Variants in PIK3R4 observed in about 807,000 individuals in gnomAD.
The protein encoded by PIK3R4 is phosphoinositide 3-kinase regulatory subunit 4.
Under a neutral mutation model 136.5 loss-of-function variants are expected in PIK3R4, and 46 were observed. The ratio of observed to expected loss-of-function variants is 0.34; its 90% CI spans 0.27 to 0.43. The LOEUF is 0.43. Ranked by LOEUF, PIK3R4 falls within the 20% of genes least tolerant of loss-of-function variation. The pLI is 1.00. For missense variants in PIK3R4, 1,331 were observed against 1,649.5 expected, an observed-to-expected ratio of 0.81 and a Z score of 3.35; for synonymous variants, 557 against 566.7, an observed-to-expected ratio of 0.98 and a Z score of 0.24.
chr3:130,726,805 C>A (rs2066734417), intron 6 of PIK3R4, among the ~76,000 whole-genome samples: 1 of 150,702 alleles, frequency 6.6e-6, no homozygotes, highest in Admixed American at 6.6e-5. Flanking sequence ...CATGAATTGA[C>A]CAATAGATAG....
In PIK3R4 at chr3:130,693,334, A is replaced by C. The variant is rs920324107; in HGVS notation, c.3099-2680T>G. On this transcript the variant is annotated intron_variant, in intron 13 of 19. Coordinates refer to ENST00000356763, the MANE Select transcript of PIK3R4 (RefSeq NM_014602.3). ...GGTATATAGCTAGGAATGGAATCATAGGGTCATATGGTAACTCTATGTCTA... is the reference window on the plus strand; with the variant it reads ...GGTATATAGCTAGGAATGGAATCATCGGGTCATATGGTAACTCTATGTCTA... Among the ~76,000 whole-genome samples the C allele has an allele frequency of 1.8e-4, 28 of 152,338 alleles. No homozygotes were observed. In the East Asian group the frequency reaches 5.0e-3, roughly 27 times the overall value.
Position 130,728,694 on chromosome 3 carries a change from A to AT in PIK3R4, c.1586-11_1586-10insA. On this transcript the variant is annotated splice_polypyrimidine_tract_variant and intron_variant, in intron 5 of 19. Coordinates refer to ENST00000356763, the MANE Select transcript of PIK3R4 (RefSeq NM_014602.3). ...TGTAAGGCTTGGAGCTCTAAAAAAA[A>AT]AAAAAAAAGAAAGAAAGAAAGAAAG... is the stretch of plus-strand genomic sequence containing the variant. 1.3e-6 allele frequency: 2 copies of AT among 1,494,068 alleles called. No individual in the cohort carries two copies. Among genetic ancestry groups the AT allele is most frequent in the East Asian group, 4.6e-5 (2 of 43,590 alleles). 92.6% of individuals were successfully genotyped at this position (1,494,068 alleles called of 1,614,324 possible). A position where few individuals can be genotyped will look rare whatever the true frequency, so the allele number is the denominator to read the frequency against.
At position 130,733,696 on chromosome 3, in the gene PIK3R4, C is replaced by G. The variant is rs1428344580; in HGVS notation, c.1302G>C (p.Arg434Ser). 8.1e-6 allele frequency: 13 copies of G among 1,614,100 alleles called. No individual in the cohort carries two copies. Among genetic ancestry groups the G allele is most frequent in the Non-Finnish European group, 1.1e-5 (13 of 1,179,956 alleles). The change falls in exon 4 of 20, where the codon AGG becomes AGC. Residue 434 changes from arginine to serine, a missense_variant. Coordinates refer to ENST00000356763, the MANE Select transcript of PIK3R4 (RefSeq NM_014602.3). ...TGGTCAACGTCCTCAAGGCTTCAGCCCTCACCCTAGGAACAGAGTCATTGC... is the reference window on the plus strand; with the variant it reads ...TGGTCAACGTCCTCAAGGCTTCAGCGCTCACCCTAGGAACAGAGTCATTGC... ...HFSNDSVPRV[R>S]AEALRTLTKV...
At chr3:130,692,122 G>A (rs1213921828) in intron 13 of PIK3R4, among the ~76,000 whole-genome samples, 1 of 151,928 alleles carries the variant, frequency 6.6e-6, no homozygotes, top group Non-Finnish European at 1.5e-5. Flanking sequence ...TGATCCGCCT[G>A]CCTCAGCCTC....
In PIK3R4 at chr3:130,746,715, G is replaced by C. The variant is rs1219011389; in HGVS notation, c.-444C>G. Reference sequence around the variant, plus strand: ...CTCGAGGGCCTCACCACCGGGCGGGGGGAGATGGAACCCGGGAGAGAAGTG... The same window carrying C: ...CTCGAGGGCCTCACCACCGGGCGGGCGGAGATGGAACCCGGGAGAGAAGTG... On this transcript the variant is annotated 5_prime_UTR_variant, in exon 1 of 20. Transcript: ENST00000356763. 1 of 152,346 alleles carries C rather than the reference G, an allele frequency of 6.6e-6. No homozygotes were observed. The highest frequency in any genetic ancestry group is 2.4e-5 in the African/African-American group (1 of 41,434). 9.4% of individuals were successfully genotyped at this position (152,346 alleles called of 1,614,324 possible).
chr3:130,680,585 G>T (rs771108414), intron 19 of PIK3R4, 28 bp downstream of exon 19: 3 of 1,250,256 alleles, frequency 2.4e-6, no homozygotes, highest in Non-Finnish European at 3.5e-6. Flanking sequence ...GCTTACAAAA[G>T]GTGAAAGGAA....
chr3:130,707,010 C>T lies in PIK3R4; in HGVS notation c.2659G>A (p.Gly887Arg). ...GAGGACTCGGAACGAGGAGGTTTCC[C>T]AGTCTGAATCACCTCCTGATCACTC... ...KGSDQEVIQT[G>R]KPPRSESSAG... Residue 887 changes from glycine to arginine, a missense_variant, in exon 11 of 20, where the codon GGG (glycine) becomes AGG (arginine). By Grantham distance (125) the Gly-to-Arg change is moderately radical. This residue lies in a region of PIK3R4 where 1,180 missense variants were observed against 1,407.0 expected (regional missense o/e 0.84). Transcript: ENST00000356763. 2 of 1,612,808 alleles carry T rather than the reference C, an allele frequency of 1.2e-6. No individual in the cohort carries two copies. The highest frequency in any genetic ancestry group is 2.7e-5 in the African/African-American group (2 of 74,974).
intron 13 of PIK3R4, 40 bp downstream of exon 13, chr3:130,703,683 T>C (rs748530586): frequency 4.7e-6 from 7 of 1,482,948 alleles, no homozygotes; most frequent in Non-Finnish European, 6.6e-6. Flanking sequence ...CATTTGTTGA[T>C]TTGAATTAAT....
chr3:130,731,767 T>G (rs1454914676), intron 4 of PIK3R4, among the ~76,000 whole-genome samples: 1 of 152,268 alleles, frequency 6.6e-6, no homozygotes, highest in African/African-American at 2.4e-5. Context: ...TTTAAACTTT[T>G]ATAATTACTG....
Position 130,744,972 on chromosome 3 carries a change from T to A in PIK3R4, c.247A>T (p.Asn83Tyr). 6.2e-7 allele frequency: 1 copy of A among 1,614,200 alleles called. No homozygotes were observed. Among genetic ancestry groups the A allele is most frequent in the Non-Finnish European group, 8.5e-7 (1 of 1,180,026 alleles). ...GATGCTTTCTGGAAAGGTAGACAAT[T>A]CTGTGCAGAATTAAGCCTGATTTTC... ...ELKIRLNSAQ[N>Y]CLPFQKASEK... is the part of the protein sequence containing the mutation. The change falls in exon 2 of 20, where the codon AAT becomes TAT. Residue 83 changes from asparagine (N) to tyrosine (Y), a missense_variant. Transcript: ENST00000356763.
At chr3:130,720,705 A>C (rs1328397566) in intron 7 of PIK3R4, among the ~76,000 whole-genome samples, 1 of 152,230 alleles carries the variant, frequency 6.6e-6, no homozygotes, top group Non-Finnish European at 1.5e-5. Flanking sequence ...TCAATGCATG[A>C]AAACACCATT....
Position 130,733,958 on chromosome 3 carries a change from C to G in PIK3R4, c.1040G>C (p.Arg347Pro). 2 of 1,614,076 alleles carry G rather than the reference C, an allele frequency of 1.2e-6. No individual in the cohort carries two copies. The highest frequency in any genetic ancestry group is 1.6e-4 in the Middle Eastern group (1 of 6,062). Reference protein sequence around the residue: ...LSADERILVIRKDLGNIIHNL... With the variant: ...LSADERILVIPKDLGNIIHNL... ...GTGAATAATGTTGCCCAAATCCTTC[C>G]GTATAACCAGAATACGCTCATCTGC... is the stretch of plus-strand genomic sequence containing the variant. Residue 347 changes from arginine to proline, a missense_variant, in exon 4 of 20, where the codon CGG becomes CCG. This residue lies in a region of PIK3R4 where 1,180 missense variants were observed against 1,407.0 expected (regional missense o/e 0.84). Coordinates refer to ENST00000356763, the MANE Select transcript of PIK3R4 (RefSeq NM_014602.3).
intron 9 of PIK3R4, among the ~76,000 whole-genome samples, chr3:130,710,364 G>C (rs2066627140): frequency 6.6e-6 from 1 of 151,856 alleles, no homozygotes; most frequent in African/African-American, 2.4e-5. Flanking sequence ...CTCGATAAAA[G>C]ACATTTGATA....
At position 130,686,433 on chromosome 3, in the gene PIK3R4, A is replaced by G. The variant is rs756050411; in HGVS notation, c.3264-11T>C. ...TTCTGATCTAGAATTCTAGAGAAAT[A>G]CACAAAGCACAGACGTTTCCAGTCA... On this transcript the variant is annotated splice_polypyrimidine_tract_variant and intron_variant, in intron 14 of 19. Coordinates refer to ENST00000356763, the MANE Select transcript of PIK3R4 (RefSeq NM_014602.3). 6.5e-7 allele frequency: 1 copy of G among 1,529,624 alleles called. No homozygotes were observed. Among genetic ancestry groups the G allele is most frequent in the South Asian group, 1.1e-5 (1 of 89,332 alleles). The allele number at this position is 1,529,624 out of a possible 1,614,324, so 94.8% of individuals were successfully genotyped here.
chr3:130,679,633 A>AG (rs1445400703), intron 19 of PIK3R4, 148 bp from the exon 20 acceptor site: 10 of 529,938 alleles, frequency 1.9e-5, no homozygotes, highest in Non-Finnish European at 3.4e-5. Flanking sequence ...ATTGAGCAAA[A>AG]GGAGTAGAGG....
rs1290692756 is a variant in PIK3R4 at position 130,744,916 on chromosome 3, G to A, written c.303C>T (p.Leu101=). 1 of 1,614,148 alleles carries A rather than the reference G, an allele frequency of 6.2e-7. No individual in the cohort carries two copies. The highest frequency in any genetic ancestry group is 2.2e-5 in the East Asian group (1 of 44,884). ...GATTGTCTCGCACATACTGCCTAAA[G>A]AGCATAGCTGCTTTCTCAGATGCTT... ...SEKASEKAAM[L]FRQYVRDNLY... is the part of the protein sequence containing the mutation. Residue 101 remains leucine, a synonymous_variant, in exon 2 of 20, where the codon CTC becomes CTT. Transcript: ENST00000356763.
intron 17 of PIK3R4, 154 bp from the exon 18 acceptor site, chr3:130,681,219 C>T (rs549966853): frequency 1.5e-6 from 1 of 654,602 alleles, no homozygotes; most frequent in South Asian, 1.8e-5. Context: ...CTATCTACTT[C>T]AATCTGGCCT....
At chr3:130,736,427 G>A (rs954013160) in intron 2 of PIK3R4, among the ~76,000 whole-genome samples, 1 of 151,966 alleles carries the variant, frequency 6.6e-6, no homozygotes, top group Non-Finnish European at 1.5e-5. Flanking sequence ...AAATTAGCTG[G>A]GCATGGTGGC....
At chr3:130,725,811 G>T (rs1371804273) in intron 6 of PIK3R4, 1 of 151,954 alleles carries the variant, frequency 6.6e-6, no homozygotes, top group Non-Finnish European at 1.5e-5. Flanking sequence ...CATAGAATTA[G>T]AAATATGAAT....
Sources: allele counts gnomAD v4.1 joint callset (sites outside exome capture counted in the v4.1 genomes callset), GRCh38; gene constraint gnomAD v4.1.1; regional missense constraint gnomAD v4.1.1; transcripts MANE v1.5; gene names NCBI Gene and HGNC (gene_info 2026-07-23, HGNC 2026-07-21).